Variants in CLCN6 observed in about 807,000 individuals in gnomAD.
CLCN6 encodes H(+)/Cl(-) exchange transporter 6.
A neutral mutation model predicts 109.8 loss-of-function variants in CLCN6; 70 were observed. The observed-to-expected ratio is 0.64, with a 90% CI of 0.53 to 0.78. The LOEUF is 0.78. Ranked by LOEUF, CLCN6 falls within the 30% of genes least tolerant of loss-of-function variation. The pLI, the probability that CLCN6 is intolerant of heterozygous loss-of-function variation, is 0.00. For missense variants in CLCN6, 984 were observed against 1,142.3 expected (o/e 0.86, Z 2.00); for synonymous variants, 444 against 447.8 (o/e 0.99, Z 0.11).
At chr1:11,819,981 G>A (rs1644720840) in intron 5 of CLCN6, among the ~76,000 whole-genome samples, 1 of 151,902 alleles carries the variant, frequency 6.6e-6, no homozygotes, top group South Asian at 2.1e-4. Context: ...GGGGAGTTAG[G>A]GAAAAAAAAG....
Position 11,828,186 on chromosome 1 carries a change from G to C in CLCN6, c.921G>C (p.Gln307His). 3.7e-6 allele frequency: 6 copies of C among 1,614,118 alleles called. No homozygotes were observed. Among genetic ancestry groups the C allele is most frequent in the Non-Finnish European group, 5.1e-6 (6 of 1,179,978 alleles). Residue 307 changes from glutamine (Q) to histidine (H), a missense_variant, in exon 11 of 23, where the codon CAG becomes CAC. Gln to His is a conservative substitution (Grantham distance 24). Transcript: ENST00000346436. ...GIQFGSWGSF[Q>H]LPGLLNFGEF... ...AGTTTGGAAGCTGGGGTTCCTTCCA[G>C]CTCCCTGGATTGCTGAACTTTGGCG...
intron 2 of CLCN6, among the ~76,000 whole-genome samples, chr1:11,814,121 T>G (rs17037434): frequency 0.099 from 15,002 of 152,190 alleles, 776 homozygotes; most frequent in South Asian, 0.16. Flanking sequence ...TTTGGCTGAC[T>G]TGAAACTATT....
chr1:11,816,693 G>A lies in CLCN6; in HGVS notation c.279+13G>A. 6.2e-7 allele frequency: 1 copy of A among 1,609,276 alleles called. No individual in the cohort carries two copies. Among genetic ancestry groups the A allele is most frequent in the South Asian group, 1.1e-5 (1 of 90,160 alleles). On this transcript the variant is annotated intron_variant, in intron 4 of 22. Transcript: ENST00000346436. ...CTGCACTGGCCTGGTGAGGAGGCAGGGCCTGGAGGGATGGTGGGCCATAGG... is the reference window on the plus strand; with the variant it reads ...CTGCACTGGCCTGGTGAGGAGGCAGAGCCTGGAGGGATGGTGGGCCATAGG...
At chr1:11,819,774 A>G (rs889315107) in intron 5 of CLCN6, among the ~76,000 whole-genome samples, 18 of 152,232 alleles carry the variant, frequency 1.2e-4, no homozygotes, top group African/African-American at 4.3e-4. Flanking sequence ...AGATGCCGCA[A>G]AGATGCCTGT....
At position 11,840,521 on chromosome 1, in the gene CLCN6, G is replaced by T; in HGVS notation, c.*298G>T. 1 of 496,168 alleles carries T rather than the reference G, an allele frequency of 2.0e-6. No individual in the cohort carries two copies. Among genetic ancestry groups the T allele is most frequent in the Non-Finnish European group, 3.7e-6 (1 of 270,646 alleles). 30.7% of individuals were successfully genotyped at this position (496,168 alleles called of 1,614,324 possible). A position where few individuals can be genotyped will look rare whatever the true frequency, so the allele number is the denominator to read the frequency against. On this transcript the variant is annotated 3_prime_UTR_variant, in exon 23 of 23. Coordinates refer to ENST00000346436, the MANE Select transcript of CLCN6 (RefSeq NM_001286.5). ...TGGCTCCACCAGAGCCAGAAGCAGA[G>T]GTAGAATCAGGCGGGCCCCGGGCTG...
intron 2 of CLCN6, among the ~76,000 whole-genome samples, chr1:11,814,465 C>T (rs958258096): frequency 5.3e-5 from 8 of 152,012 alleles, no homozygotes; most frequent in African/African-American, 1.9e-4. Flanking sequence ...CTAGGCTGGT[C>T]TCGAACTTCT....
Position 11,838,688 on chromosome 1 carries a change from C to A in CLCN6, c.2529+28C>A. ...GAGCGAGGCCCCGGCCCTGCCCCCA[C>A]CTTTGAGAGAGGATCCCCTAGCCAG... On this transcript the variant is annotated intron_variant, in intron 22 of 22. Transcript: ENST00000346436. 4 of 1,614,238 alleles carry A rather than the reference C, an allele frequency of 2.5e-6. 1 individual carries two copies. In the South Asian group the frequency reaches 4.4e-5, roughly 18 times the overall value.
In CLCN6 at chr1:11,836,023, G is replaced by A. The variant is rs1047108702; in HGVS notation, c.1850G>A (p.Arg617His). ...PNLTYVYPHT[R>H]IQSLVSILRT... Reference sequence around the variant, plus strand: ...CTGACCTACGTCTACCCGCACACCCGCATCCAGTCTCTGGTGAGCATCCTG... The same window carrying A: ...CTGACCTACGTCTACCCGCACACCCACATCCAGTCTCTGGTGAGCATCCTG... The change falls in exon 18 of 23, where the codon CGC becomes CAC. Residue 617 changes from arginine (R) to histidine (H), a missense_variant. Transcript: ENST00000346436. The A allele has an allele frequency of 1.2e-5, 20 of 1,613,686 alleles. No homozygotes were observed. The highest frequency in any genetic ancestry group is 1.2e-4 in the Admixed American group (7 of 59,940).
At chr1:11,810,216 CTCTT>C (rs750658331) in intron 2 of CLCN6, among the ~76,000 whole-genome samples, 4 of 152,122 alleles carry the variant, frequency 2.6e-5, no homozygotes, top group Admixed American at 1.3e-4. Flanking sequence ...ACATATTTGA[CTCTT>C]TATTTGATAA....
At chr1:11,830,760 T>TA (rs1644871252) in intron 13 of CLCN6, among the ~76,000 whole-genome samples, 1 of 134,296 alleles carries the variant, frequency 7.4e-6, no homozygotes, top group Non-Finnish European at 1.5e-5. Flanking sequence ...TATATATATA[T>TA]ATATACACAC....
chr1:11,815,676 T>C (rs898027058), intron 2 of CLCN6, among the ~76,000 whole-genome samples, 170 bp from the exon 3 acceptor site: 1 of 152,216 alleles, frequency 6.6e-6, no homozygotes, highest in Non-Finnish European at 1.5e-5. Flanking sequence ...ATTATAGGCA[T>C]GAGCCACCGC....
At position 11,816,601 on chromosome 1, in the gene CLCN6, T is replaced by C; in HGVS notation, c.214-14T>C. On this transcript the variant is annotated splice_polypyrimidine_tract_variant and intron_variant, in intron 3 of 22. Transcript: ENST00000346436. The stretch of plus-strand genomic sequence containing the variant: ...AACCCTGTAAACTGAATCATTCTTT[T>C]CCTGTGTGAACAGAAAGGTCGAAGA... 1 of 1,610,434 alleles carries C rather than the reference T, an allele frequency of 6.2e-7. No homozygotes were observed. Among genetic ancestry groups the C allele is most frequent in the Non-Finnish European group, 8.5e-7 (1 of 1,178,056 alleles).
chr1:11,827,267 A>G (rs1570531397), intron 10 of CLCN6, 46 bp downstream of exon 10: 1 of 1,581,310 alleles, frequency 6.3e-7, no homozygotes, highest in African/African-American at 1.4e-5. Flanking sequence ...CCCCCGAATT[A>G]CACTGGGTGT....
At chr1:11,811,487 A>T (rs1271534144) in intron 2 of CLCN6, among the ~76,000 whole-genome samples, 1 of 151,038 alleles carries the variant, frequency 6.6e-6, no homozygotes, top group African/African-American at 2.4e-5. Context: ...GGTTCAAGTG[A>T]TTCTCCTGCC....
intron 12 of CLCN6, among the ~76,000 whole-genome samples, chr1:11,828,865 A>G (rs1180510256): frequency 1.3e-5 from 2 of 152,194 alleles, no homozygotes; most frequent in South Asian, 2.1e-4. Context: ...ACTCGGACAC[A>G]TGACAAGGTT....
chr1:11,836,218 G>C, intron 18 of CLCN6, 65 bp downstream of exon 18: 4 of 1,480,212 alleles, frequency 2.7e-6, no homozygotes, highest in Non-Finnish European at 3.7e-6. Context: ...ACACGGCTTA[G>C]TGCTTTGCCC....
At position 11,806,227 on chromosome 1, in the gene CLCN6, T is replaced by A. The variant is rs1455549158; in HGVS notation, c.-36T>A. Reference sequence around the variant, plus strand: ...GCGCAGATCCTGGCTGGGAGGGGGTTGGTAGAGGGGTCCAGAGTGGCAGTA... The same window carrying A: ...GCGCAGATCCTGGCTGGGAGGGGGTAGGTAGAGGGGTCCAGAGTGGCAGTA... On this transcript the variant is annotated 5_prime_UTR_variant, in exon 1 of 23. Coordinates refer to ENST00000346436, the MANE Select transcript of CLCN6 (RefSeq NM_001286.5). 1.1e-5 allele frequency: 15 copies of A among 1,400,860 alleles called. No homozygotes were observed. In the Admixed American group the frequency reaches 4.6e-4, roughly 43 times the overall value. 86.8% of individuals were successfully genotyped at this position (1,400,860 alleles called of 1,614,324 possible). A position where few individuals can be genotyped will look rare whatever the true frequency, so the allele number is the denominator to read the frequency against.
At chr1:11,822,558 TA>T (rs1644759281) in intron 5 of CLCN6, 136 bp from the exon 6 acceptor site, 1 of 561,318 alleles carries the variant, frequency 1.8e-6, no homozygotes, top group Non-Finnish European at 3.2e-6. Context: ...AGGCAGTTTT[TA>T]AAAAATTTTT....
In CLCN6 at chr1:11,806,259, G is replaced by T. The variant is rs756135466; in HGVS notation, c.-4G>T. On this transcript the variant is annotated 5_prime_UTR_variant, in exon 1 of 23. Coordinates refer to ENST00000346436, the MANE Select transcript of CLCN6 (RefSeq NM_001286.5). The stretch of plus-strand genomic sequence containing the variant: ...GGGGTCCAGAGTGGCAGTAAAGGAG[G>T]AAGATGGCGGGGTGCAGGGGGTCTC... 2.0e-6 allele frequency: 3 copies of T among 1,464,624 alleles called. No individual in the cohort carries two copies. The highest frequency in any genetic ancestry group is 1.8e-6 in the Non-Finnish European group (2 of 1,111,854). 90.7% of individuals were successfully genotyped at this position (1,464,624 alleles called of 1,614,324 possible). A position where few individuals can be genotyped will look rare whatever the true frequency, so the allele number is the denominator to read the frequency against.
Sources: allele counts gnomAD v4.1 joint callset (sites outside exome capture counted in the v4.1 genomes callset), GRCh38; gene constraint gnomAD v4.1.1; transcripts MANE v1.5; gene names NCBI Gene and HGNC (gene_info 2026-07-23, HGNC 2026-07-21).